Variants in HTR3B observed in about 807,000 individuals in gnomAD.
HTR3B encodes 5-hydroxytryptamine (serotonin) receptor 3B, ionotropic.
HTR3B carries 44 observed loss-of-function variants against 42.8 expected under a neutral mutation model. That is an observed-to-expected ratio of 1.03 (90% confidence interval 0.81 to 1.32). The LOEUF (loss-of-function observed/expected upper bound fraction) is 1.32, where lower values mean the gene tolerates loss of function less well. HTR3B is among the 40% of genes most tolerant of loss of function. HTR3B has a pLI of 0.00. For synonymous variants in HTR3B, 203 were observed against 209.0 expected (o/e 0.97, Z 0.25); for missense variants, 527 against 536.5 (o/e 0.98, Z 0.17).
chr11:113,921,801 A>G (rs1949917932), intron 2 of HTR3B, among the ~76,000 whole-genome samples: 2 of 152,220 alleles, frequency 1.3e-5, no homozygotes. Context: ...TATGGTAGGT[A>G]AGGAGAACAC....
At chr11:113,927,926 G>A (rs972068880) in intron 2 of HTR3B, among the ~76,000 whole-genome samples, 25 of 152,206 alleles carry the variant, frequency 1.6e-4, no homozygotes, top group African/African-American at 5.8e-4. Flanking sequence ...GGATGTGCAG[G>A]TTTGTTACAT....
At chr11:113,921,330 G>C (rs1949909708) in intron 2 of HTR3B, among the ~76,000 whole-genome samples, 1 of 151,634 alleles carries the variant, frequency 6.6e-6, no homozygotes, top group Non-Finnish European at 1.5e-5. Context: ...ACTTTTAGTA[G>C]AGACGGGGTT....
intron 6 of HTR3B, among the ~76,000 whole-genome samples, chr11:113,938,810 C>T (rs1366060900): frequency 6.6e-6 from 1 of 152,074 alleles, no homozygotes; most frequent in Non-Finnish European, 1.5e-5. Context: ...TCGAGACCAA[C>T]CTGGCCAACA....
intron 6 of HTR3B, among the ~76,000 whole-genome samples, chr11:113,941,530 T>C (rs1047428660): frequency 1.3e-5 from 2 of 152,276 alleles, no homozygotes; most frequent in Middle Eastern, 6.8e-3. Flanking sequence ...GCCAGCACAG[T>C]GCAGGCCAGC....
At chr11:113,935,011 G>T (rs1565565219) in intron 6 of HTR3B, among the ~76,000 whole-genome samples, 1 of 151,726 alleles carries the variant, frequency 6.6e-6, no homozygotes, top group Non-Finnish European at 1.5e-5. Context: ...GGTAAACAAG[G>T]GCGTGTGCTT....
intron 4 of HTR3B, 93 bp from the exon 5 acceptor site, chr11:113,932,196 G>C: frequency 9.8e-7 from 1 of 1,022,892 alleles, no homozygotes; most frequent in Non-Finnish European, 1.5e-6. Flanking sequence ...GCTGGTCCTG[G>C]ACCTCATGGT....
intron 7 of HTR3B, among the ~76,000 whole-genome samples, chr11:113,944,316 C>T (rs188967224): frequency 2.0e-5 from 3 of 152,250 alleles, no homozygotes; most frequent in East Asian, 3.9e-4. Context: ...CCAAGTCCGG[C>T]CGTGAGGCCT....
chr11:113,902,484 A>G (rs2137477033), upstream of HTR3B, among the ~76,000 whole-genome samples: 1 of 152,078 alleles, frequency 6.6e-6, no homozygotes, highest in Admixed American at 6.5e-5. Context: ...TTTAGTAGAG[A>G]CAGGGTTTCA....
rs1950052982 is a variant in HTR3B at position 113,933,029 on chromosome 11, C to T, written c.632C>T (p.Ser211Phe). ...AATGACAGTGAGTGGGAACTTCTAT[C>T]TGTGTCCTCCACATACAGCATCCTG... ...FLNDSEWELL[S>F]VSSTYSILQS... The change falls in exon 6 of 9, where the codon TCT (serine) becomes TTT (phenylalanine). Residue 211 changes from serine to phenylalanine, a missense_variant. Physicochemically the swap from Ser to Phe is radical, Grantham distance 155. Coordinates refer to ENST00000260191, the MANE Select transcript of HTR3B (RefSeq NM_006028.5). The T allele has an allele frequency of 6.2e-7, 1 of 1,614,150 alleles. No homozygotes were observed. Among genetic ancestry groups the T allele is most frequent in the African/African-American group, 1.3e-5 (1 of 75,054 alleles).
intron 7 of HTR3B, 52 bp downstream of exon 7, chr11:113,943,244 G>A: frequency 6.9e-7 from 1 of 1,444,158 alleles, no homozygotes. Flanking sequence ...CCCTGTGAAA[G>A]ATCTAATGCT....
At chr11:113,937,914 A>T (rs1260108428) in intron 6 of HTR3B, among the ~76,000 whole-genome samples, 2 of 152,126 alleles carry the variant, frequency 1.3e-5, no homozygotes, top group Non-Finnish European at 2.9e-5. Flanking sequence ...TGAAATCAAG[A>T]CTTGGGCAGG....
intron 6 of HTR3B, among the ~76,000 whole-genome samples, chr11:113,940,074 A>G (rs907014330): frequency 2.6e-5 from 4 of 152,008 alleles, no homozygotes; most frequent in Admixed American, 2.6e-4. Context: ...TTTAGCAGAG[A>G]TGGGGTTTGA....
chr11:113,905,085 T>TTGTTTTTATTCATCGTCTGTAAAA, intron 1 of HTR3B, 100 bp downstream of exon 1: 1 of 796,448 alleles, frequency 1.3e-6, no homozygotes, highest in Non-Finnish European at 2.1e-6. Context: ...TCAGGCATGT[T>TTGTTTTTATTCATCGTCTGTAAAA]TGTTTTTATT....
At position 113,946,953 on chromosome 11, in the gene HTR3B, C is replaced by T. The variant is rs1022474051; in HGVS notation, c.*816C>T. 2.6e-5 allele frequency among the ~76,000 whole-genome samples: 4 copies of T among 152,206 alleles called. No homozygotes were observed. The highest frequency in any genetic ancestry group is 2.0e-4 in the Admixed American group (3 of 15,288). On this transcript the variant is annotated 3_prime_UTR_variant, in exon 9 of 9. Coordinates refer to ENST00000260191, the MANE Select transcript of HTR3B (RefSeq NM_006028.5). ...CACTTGTTGTGATTCCCATGGTCAA[C>T]CTGGTACCAACCAACCAGAGCATAA...
chr11:113,927,608 G>A (rs1949988484), intron 2 of HTR3B, among the ~76,000 whole-genome samples: 1 of 151,598 alleles, frequency 6.6e-6, no homozygotes, highest in Non-Finnish European at 1.5e-5. Context: ...TGTTGCCCAG[G>A]CTGGAGAGCA....
intron 2 of HTR3B, among the ~76,000 whole-genome samples, chr11:113,916,089 G>A (rs976081565): frequency 2.0e-5 from 3 of 152,300 alleles, no homozygotes; most frequent in Middle Eastern, 6.8e-3. Context: ...TACCTGCCTC[G>A]GGCTTCCGAA....
upstream of HTR3B, among the ~76,000 whole-genome samples, chr11:113,902,704 A>G (rs532364085): frequency 6.6e-6 from 1 of 152,344 alleles, no homozygotes; most frequent in South Asian, 2.1e-4. Flanking sequence ...ACATTGCCAC[A>G]TTACTACCAT....
intron 2 of HTR3B, among the ~76,000 whole-genome samples, chr11:113,920,712 C>T (rs1268295185): frequency 1.3e-5 from 2 of 152,006 alleles, no homozygotes; most frequent in African/African-American, 4.8e-5. Flanking sequence ...GAGTCCTAGC[C>T]CTAAGATCTT....
rs561020040 is a variant in HTR3B at position 113,944,510 on chromosome 11, CA to C, written c.908-56del. On this transcript the variant is annotated intron_variant, in intron 7 of 8. Coordinates refer to ENST00000260191, the MANE Select transcript of HTR3B (RefSeq NM_006028.5). Reference sequence around the variant, plus strand: ...AGCAAGACCCTGTCCCTAAAGAAAACAAAAAAATCTGATGCTGCATTTCAGA... The same window carrying C: ...AGCAAGACCCTGTCCCTAAAGAAAACAAAAAATCTGATGCTGCATTTCAGA... The C allele has an allele frequency of 7.1e-6, 11 of 1,554,732 alleles. No homozygotes were observed. The South Asian group carries it at 8.2e-5, about 12-fold the overall frequency.
Sources: allele counts gnomAD v4.1 joint callset (sites outside exome capture counted in the v4.1 genomes callset), GRCh38; gene constraint gnomAD v4.1.1; transcripts MANE v1.5; gene names NCBI Gene and HGNC (gene_info 2026-07-23, HGNC 2026-07-21).